The following CUBN variants were observed in gnomAD, a reference collection of about 807,000 sequenced individuals.
The protein encoded by CUBN is 460 kDa receptor.
In CUBN, 282 loss-of-function variants were observed where a neutral mutation model predicts 405.3. The observed-to-expected ratio is 0.70, with a 90% confidence interval of 0.63 to 0.77. The LOEUF is 0.77. Ranked by LOEUF, CUBN falls within the 30% of genes least tolerant of loss-of-function variation. The pLI is 0.00. For missense variants in CUBN, 4,514 were observed against 4,475.2 expected, an observed-to-expected ratio of 1.01 and a Z score of -0.25; for synonymous variants, 1,684 against 1,617.0, an observed-to-expected ratio of 1.04 and a Z score of -0.99.
rs1554788544 is a variant in CUBN, at chr10:16,889,935, C to CAAAAAAAAAAAAAAAAAAAAAAA, written c.8755+435_8755+436insTTTTTTTTTTTTTTTTTTTTTTT. On this transcript the variant is annotated intron_variant, in intron 55 of 66. Transcript: ENST00000377833. ...CTGGCGACAGAGTGAGACGCCGTGT[C>CAAAAAAAAAAAAAAAAAAAAAAA]AAAAAAAAAAAAAAAAAACAGGAAA... Among the ~76,000 whole-genome samples the CAAAAAAAAAAAAAAAAAAAAAAA allele has an allele frequency of 7.0e-4, 14 of 19,906 alleles. 4 individuals carry two copies. Among genetic ancestry groups the CAAAAAAAAAAAAAAAAAAAAAAA allele is most frequent in the African/African-American group, 2.9e-3 (14 of 4,828 alleles). 13.1% of individuals were successfully genotyped at this position (19,906 alleles called of 152,430 possible). A position where few individuals can be genotyped will look rare whatever the true frequency, so the allele number is the denominator to read the frequency against.
At chr10:17,000,247 T>C (rs1319503733) in intron 28 of CUBN, among the ~76,000 whole-genome samples, 3 of 152,232 alleles carry the variant, frequency 2.0e-5, no homozygotes, top group Non-Finnish European at 4.4e-5. Context: ...TTTGTATAAC[T>C]AAACCTTGGC....
intron 58 of CUBN, 51 bp from the exon 59 acceptor site, chr10:16,869,904 A>C (rs1368126669): frequency 7.4e-7 from 1 of 1,359,184 alleles, no homozygotes; most frequent in Non-Finnish European, 1.0e-6. Flanking sequence ...ACTTCTATTA[A>C]ATTGTAGCTT....
chr10:17,071,628 G>A, intron 18 of CUBN, 24 bp from the exon 19 acceptor site: 1 of 1,603,772 alleles, frequency 6.2e-7, no homozygotes. Context: ...AATTATAGTA[G>A]TGCTTGTCCA....
In CUBN at chr10:16,950,031, C is replaced by T; in HGVS notation, c.5050G>A (p.Asp1684Asn). Reference protein sequence around the residue: ...TCARDFVEILDGGHEDAPLRG... With the variant: ...TCARDFVEILNGGHEDAPLRG... ...AGGGGCGCGTCTTCGTGGCCGCCATCCAAAATTTCTACAAAGTCACGTGCA... is the reference window on the plus strand; with the variant it reads ...AGGGGCGCGTCTTCGTGGCCGCCATTCAAAATTTCTACAAAGTCACGTGCA... The change falls in exon 34 of 67, where the codon GAT becomes AAT. Residue 1684 changes from aspartate to asparagine, a missense_variant. Asp to Asn is a conservative substitution (Grantham distance 23). Around this residue, in one of 5 missense-constraint regions of CUBN, gnomAD observed 1,613 missense variants for 1,542.8 expected, o/e 1.05. Coordinates refer to ENST00000377833, the MANE Select transcript of CUBN (RefSeq NM_001081.4). 1 of 1,613,942 alleles carries T rather than the reference C, an allele frequency of 6.2e-7. No individual in the cohort carries two copies. Among genetic ancestry groups the T allele is most frequent in the Non-Finnish European group, 8.5e-7 (1 of 1,179,962 alleles).
At position 16,840,054 on chromosome 10, in the gene CUBN, C is replaced by T. The variant is rs1437058163; in HGVS notation, c.10032+276G>A. Among the ~76,000 whole-genome samples, 11 of 113,468 alleles carry T rather than the reference C, an allele frequency of 9.7e-5. No homozygotes were observed. The South Asian group carries it at 1.7e-3, about 18-fold the overall frequency. The allele number at this position is 113,468 out of a possible 152,430, so 74.4% of individuals were successfully genotyped here. A position where few individuals can be genotyped will look rare whatever the true frequency, so the allele number is the denominator to read the frequency against. ...ACACAGGAAGGGGAACATCACACAC[C>T]GGGGCCTGTTGTGGGGTGGGGGAAG... On this transcript the variant is annotated intron_variant, in intron 62 of 66. Coordinates refer to ENST00000377833, the MANE Select transcript of CUBN (RefSeq NM_001081.4).
In CUBN at chr10:16,903,792, T is replaced by C. The variant is rs541395321; in HGVS notation, c.8062+174A>G. Among the ~76,000 whole-genome samples, 4 of 151,092 alleles carry C rather than the reference T, an allele frequency of 2.6e-5. 1 individual carries two copies. The South Asian group carries it at 8.3e-4, about 31-fold the overall frequency. Reference sequence around the variant, plus strand: ...TAAATTATGCAAATTATAAAATTTCTAGATATCAGCCACAACCAATTAAAA... The same window carrying C: ...TAAATTATGCAAATTATAAAATTTCCAGATATCAGCCACAACCAATTAAAA... On this transcript the variant is annotated intron_variant, in intron 51 of 66. Coordinates refer to ENST00000377833, the MANE Select transcript of CUBN (RefSeq NM_001081.4).
intron 57 of CUBN, among the ~76,000 whole-genome samples, chr10:16,876,696 C>G (rs1840511777): frequency 6.6e-6 from 1 of 152,038 alleles, no homozygotes; most frequent in African/African-American, 2.4e-5. Flanking sequence ...GTAGTTCTAG[C>G]CAAAGTTCCT....
At chr10:16,919,842 TC>T in intron 44 of CUBN, 120 bp downstream of exon 44, 1 of 1,101,270 alleles carries the variant, frequency 9.1e-7, no homozygotes, top group Non-Finnish European at 1.3e-6. Flanking sequence ...ATTAAGCATT[TC>T]CCTTTTCCCC....
At chr10:16,968,670 C>A (rs543471670) in intron 31 of CUBN, among the ~76,000 whole-genome samples, 1 of 152,302 alleles carries the variant, frequency 6.6e-6, no homozygotes, top group South Asian at 2.1e-4. Context: ...TCTAGGAGAT[C>A]AATAAGAGCT....
At position 17,045,887 on chromosome 10, in the gene CUBN, C is replaced by T. The variant is rs748908599; in HGVS notation, c.3490+47G>A. On this transcript the variant is annotated intron_variant, in intron 24 of 66. Transcript: ENST00000377833. Reference sequence around the variant, plus strand: ...GCATGACAATCCCAGAATCAAGAAACCAATCAGATTGGCTTCTCCAGTAAA... The same window carrying T: ...GCATGACAATCCCAGAATCAAGAAATCAATCAGATTGGCTTCTCCAGTAAA... 3 of 1,596,726 alleles carry T rather than the reference C, an allele frequency of 1.9e-6. No homozygotes were observed. In the South Asian group the frequency reaches 3.3e-5, roughly 18 times the overall value.
chr10:16,956,343 C>A (rs111419491), intron 31 of CUBN, among the ~76,000 whole-genome samples: 1 of 151,394 alleles, frequency 6.6e-6, no homozygotes, highest in Non-Finnish European at 1.5e-5. Context: ...ATATATATAT[C>A]TCCAATAAAT....
At chr10:16,900,922 T>C in intron 52 of CUBN, 72 bp from the exon 53 acceptor site, 5 of 1,021,384 alleles carry the variant, frequency 4.9e-6, no homozygotes, top group African/African-American at 4.8e-5. Flanking sequence ...CCCTTACAAA[T>C]CGTTTAATTT....
chr10:17,115,670 GA>G (rs1836877226), intron 6 of CUBN, 73 bp from the exon 7 acceptor site: 3 of 1,532,062 alleles, frequency 2.0e-6, no homozygotes, highest in African/African-American at 1.4e-5. Context: ...ATATCAATGA[GA>G]AAAATAATTC....
chr10:16,888,485 C>T lies in CUBN; in HGVS notation c.8837G>A (p.Cys2946Tyr), dbSNP rs756462121. The change falls in exon 56 of 67, where the codon TGC becomes TAC. Residue 2946 changes from cysteine to tyrosine, a missense_variant. Cys to Tyr is a radical substitution (Grantham distance 194, BLOSUM62 -2). This residue lies in a region of CUBN where 1,186 missense variants were observed against 1,186.9 expected (regional missense o/e 1.00). Coordinates refer to ENST00000377833, the MANE Select transcript of CUBN (RefSeq NM_001081.4). ...AGGATTAGCCTCTATGACATAGGTG[C>T]AATTCATGTTGTTGTCATATTGTTT... is the stretch of plus-strand genomic sequence containing the variant. ...YPKQYDNNMN[C>Y]TYVIEANPLS... is the part of the protein sequence containing the mutation. The T allele has an allele frequency of 1.9e-6, 3 of 1,612,670 alleles. No homozygotes were observed. The highest frequency in any genetic ancestry group is 2.5e-6 in the Non-Finnish European group (3 of 1,178,768).
intron 59 of CUBN, among the ~76,000 whole-genome samples, chr10:16,867,795 TAG>T (rs772521490): frequency 1.6e-4 from 24 of 152,152 alleles, no homozygotes; most frequent in Non-Finnish European, 2.5e-4. Flanking sequence ...TAAATCACAA[TAG>T]GTCTAAAAAT....
intron 6 of CUBN, among the ~76,000 whole-genome samples, chr10:17,120,555 T>G (rs541959245): frequency 6.6e-5 from 10 of 152,356 alleles, no homozygotes; most frequent in African/African-American, 2.4e-4. Flanking sequence ...AGAGAGAATT[T>G]CGTACTGTTC....
chr10:17,022,609 AC>A (rs760843871), intron 27 of CUBN, among the ~76,000 whole-genome samples: 25 of 152,182 alleles, frequency 1.6e-4, no homozygotes, highest in Non-Finnish European at 2.8e-4. Context: ...AGGCGGAGAA[AC>A]CGGAGGGCGA....
At chr10:16,938,315 C>T (rs1842572746) in intron 38 of CUBN, among the ~76,000 whole-genome samples, 1 of 152,134 alleles carries the variant, frequency 6.6e-6, no homozygotes, top group East Asian at 1.9e-4. Context: ...AAATCTCCTA[C>T]CTTTGGTTTT....
intron 48 of CUBN, 107 bp from the exon 49 acceptor site, chr10:16,907,786 C>T: frequency 2.6e-6 from 3 of 1,132,472 alleles, no homozygotes; most frequent in Non-Finnish European, 3.9e-6. Context: ...GGGAACCCTG[C>T]CCCAAAATGA....
Sources: gnomAD v4.1 joint callset for allele counts (sites outside exome capture counted in the v4.1 genomes callset) on GRCh38, gnomAD v4.1.1 for gene constraint, gnomAD v4.1.1 regional missense constraint, MANE v1.5 for transcripts, NCBI Gene and HGNC (gene_info 2026-07-23, HGNC 2026-07-21) for gene names.